Variants in NDUFAF6 observed in about 807,000 individuals in gnomAD.
NDUFAF6 encodes NADH:ubiquinone oxidoreductase complex assembly factor 6.
In NDUFAF6, 45 loss-of-function variants were observed where a neutral mutation model predicts 40.8. That is an observed-to-expected ratio of 1.10 (90% confidence interval 0.87 to 1.42). The LOEUF is 1.42. Among genes scored for constraint, NDUFAF6 ranks in the 40% most tolerant of loss-of-function variants. The pLI is 0.00. For synonymous variants in NDUFAF6, 185 were observed against 155.9 expected, an observed-to-expected ratio of 1.19 and a Z score of -1.39; for missense variants, 435 against 418.5, an observed-to-expected ratio of 1.04 and a Z score of -0.34.
chr8:94,925,925 C>T (rs1819850642), intron 1 of NDUFAF6: 1 of 152,500 alleles, frequency 6.6e-6, no homozygotes, highest in African/African-American at 2.4e-5. Context: ...TAAGTTGTAC[C>T]TCCTTTTAAT....
chr8:95,056,593 A>G (rs1158715807), intron 8 of NDUFAF6, among the ~76,000 whole-genome samples: 4 of 151,722 alleles, frequency 2.6e-5, no homozygotes, highest in Non-Finnish European at 5.9e-5. Context: ...TTGTCTGTAT[A>G]TGTAAGTTTA....
intron 1 of NDUFAF6, among the ~76,000 whole-genome samples, chr8:94,977,713 C>A (rs990843588): frequency 6.6e-6 from 1 of 151,902 alleles, no homozygotes; most frequent in Non-Finnish European, 1.5e-5. Context: ...ACATTAGTGG[C>A]CTTCTGTGGG....
At chr8:94,981,834 A>G (rs566505532) in intron 2 of NDUFAF6, among the ~76,000 whole-genome samples, 3 of 152,042 alleles carry the variant, frequency 2.0e-5, no homozygotes, top group East Asian at 3.9e-4. Context: ...ATTTTGGTCA[A>G]TGATGGGCGC....
intron 9 of NDUFAF6, chr8:95,075,598 G>A: frequency 1.6e-6 from 2 of 1,286,462 alleles, no homozygotes; most frequent in Non-Finnish European, 2.0e-6. Context: ...TTTCTAGTTG[G>A]CTTGGTGAAT....
At chr8:94,932,665 C>T (rs973197418) in intron 1 of NDUFAF6, among the ~76,000 whole-genome samples, 3 of 151,836 alleles carry the variant, frequency 2.0e-5, no homozygotes, top group Non-Finnish European at 2.9e-5. Flanking sequence ...TAGCTGGGTG[C>T]GGTGGCGGGC....
chr8:94,954,872 C>G (rs115278099), upstream of NDUFAF6, among the ~76,000 whole-genome samples: 553 of 152,322 alleles, frequency 3.6e-3, 4 homozygotes, highest in African/African-American at 0.013. Flanking sequence ...TGAGAAGTCA[C>G]TTTTTGTGTT....
At position 94,930,571 on chromosome 8, in the gene NDUFAF6, G is replaced by A. The variant is rs150114023; in HGVS notation, c.-935-14912G>A. 125 of 1,614,094 alleles carry A rather than the reference G, an allele frequency of 7.7e-5. No individual in the cohort carries two copies. Among genetic ancestry groups the A allele is most frequent in the Middle Eastern group, 6.6e-4 (4 of 6,084 alleles). ...TGGCAATCCCTGGTAAGATTTTGGCGACGAAGGCTATTTCTGTTAAGAGGC... is the reference window on the plus strand; with the variant it reads ...TGGCAATCCCTGGTAAGATTTTGGCAACGAAGGCTATTTCTGTTAAGAGGC... On this transcript the variant is annotated intron_variant, in intron 1 of 14. Transcript: ENST00000396113.
upstream of NDUFAF6, among the ~76,000 whole-genome samples, chr8:95,098,912 A>T (rs1809561480): frequency 6.6e-6 from 1 of 151,994 alleles, no homozygotes; most frequent in South Asian, 2.1e-4. Context: ...ACAGAGTAAG[A>T]CTCTGTCTCA....
chr8:95,087,096 G>A (rs1809075835), intron 2 of NDUFAF6, among the ~76,000 whole-genome samples: 1 of 151,660 alleles, frequency 6.6e-6, no homozygotes, highest in Admixed American at 6.6e-5. Flanking sequence ...ATTCTGCATG[G>A]TGCATATTTT....
At chr8:95,052,111 T>G (rs1831501992) in intron 7 of NDUFAF6, 63 bp from the exon 8 acceptor site, 1 of 1,505,352 alleles carries the variant, frequency 6.6e-7, no homozygotes, top group Non-Finnish European at 9.2e-7. Context: ...CTGGTGTTGC[T>G]TTCAGAGGGA....
intron 1 of NDUFAF6, among the ~76,000 whole-genome samples, chr8:94,899,895 A>T (rs1817903882): frequency 6.6e-6 from 1 of 152,016 alleles, no homozygotes; most frequent in African/African-American, 2.4e-5. Context: ...AAACTTAAAC[A>T]CACAAGACCT....
chr8:95,018,861 G>T (rs942538795), intron 2 of NDUFAF6, among the ~76,000 whole-genome samples: 3 of 152,194 alleles, frequency 2.0e-5, no homozygotes, highest in African/African-American at 7.2e-5. Context: ...GATGATCACA[G>T]ATATGCTATA....
chr8:95,025,112 G>T lies in NDUFAF6; in HGVS notation c.104G>T (p.Arg35Leu). Reference sequence around the variant, plus strand: ...CTGGGTCTGTACGCGCGCATGCGGCGGCTGCCCGGGCCGGAGGTGTCTGGG... The same window carrying T: ...CTGGGTCTGTACGCGCGCATGCGGCTGCTGCCCGGGCCGGAGGTGTCTGGG... ...PPLGLYARMR[R>L]LPGPEVSGRS... The change falls in exon 1 of 9, where the codon CGG (arginine) becomes CTG (leucine). Residue 35 changes from arginine (R) to leucine (L), a missense_variant. Coordinates refer to ENST00000396124, the MANE Select transcript of NDUFAF6 (RefSeq NM_152416.4). The T allele has an allele frequency of 1.4e-6, 2 of 1,479,068 alleles. No individual in the cohort carries two copies. Among genetic ancestry groups the T allele is most frequent in the Non-Finnish European group, 1.8e-6 (2 of 1,124,852 alleles). The allele number at this position is 1,479,068 out of a possible 1,614,324, so 91.6% of individuals were successfully genotyped here.
At chr8:94,919,644 A>C (rs1438082267) in intron 1 of NDUFAF6, among the ~76,000 whole-genome samples, 2 of 152,160 alleles carry the variant, frequency 1.3e-5, no homozygotes, top group Non-Finnish European at 2.9e-5. Flanking sequence ...CAAGCCCTCT[A>C]GAGTGATAGC....
intron 1 of NDUFAF6, chr8:94,940,112 T>G: frequency 6.2e-7 from 1 of 1,614,202 alleles, no homozygotes; most frequent in Non-Finnish European, 8.5e-7. Context: ...AGCCAAGCAC[T>G]CAAGAGATGC....
chr8:95,079,258 C>T (rs968141079), downstream of NDUFAF6, among the ~76,000 whole-genome samples: 1 of 152,126 alleles, frequency 6.6e-6, no homozygotes, highest in African/African-American at 2.4e-5. Context: ...CCGTGAACCA[C>T]TGTACCTGGC....
chr8:94,897,706 C>CTTTT lies in NDUFAF6; in HGVS notation c.-936+1792_-936+1795dup, dbSNP rs11432186. Reference sequence around the variant, plus strand: ...GCCCACCCATTTCTTTATTCTGTGCCTTTTTTTTTTTTTTTTGTATATCTC... The same window carrying CTTTT: ...GCCCACCCATTTCTTTATTCTGTGCCTTTTTTTTTTTTTTTTTTTTGTATATCTC... On this transcript the variant is annotated intron_variant, in intron 1 of 14. Coordinates refer to the NDUFAF6 transcript ENST00000396113. 4.0e-3 allele frequency among the ~76,000 whole-genome samples: 523 copies of CTTTT among 131,924 alleles called. 14 individuals are homozygous for CTTTT. The highest frequency in any genetic ancestry group is 4.8e-3 in the African/African-American group (173 of 35,758). The allele number at this position is 131,924 out of a possible 152,430, so 86.5% of individuals were successfully genotyped here.
intron 2 of NDUFAF6, among the ~76,000 whole-genome samples, chr8:94,987,574 C>A (rs976329832): frequency 5.9e-5 from 9 of 152,160 alleles, no homozygotes; most frequent in Non-Finnish European, 1.0e-4. Context: ...TTACATCTTA[C>A]ACACTGAAAA....
chr8:95,036,568 GTT>G (rs1829530326), intron 3 of NDUFAF6: 2 of 1,182,600 alleles, frequency 1.7e-6, no homozygotes, highest in Non-Finnish European at 2.2e-6. Context: ...TCACTAAAAA[GTT>G]TTCCTAAAAT....
Sources: gnomAD v4.1 joint callset for allele counts (sites outside exome capture counted in the v4.1 genomes callset) on GRCh38, gnomAD v4.1.1 for gene constraint, MANE v1.5 for transcripts, NCBI Gene and HGNC (gene_info 2026-07-23, HGNC 2026-07-21) for gene names.